PRKAG2: variants seen among roughly 807,000 people sequenced by gnomAD.
PRKAG2 encodes the protein 5'-AMP-activated protein kinase subunit gamma-2.
In PRKAG2, 26 loss-of-function variants were observed where a neutral mutation model predicts 69.6. The ratio of observed to expected loss-of-function variants is 0.37; its 90% CI spans 0.27 to 0.52. PRKAG2 has a LOEUF of 0.52. Among genes scored for constraint, PRKAG2 ranks in the 20% least tolerant of loss-of-function variants. The probability of loss-of-function intolerance (pLI) is 0.90; values close to 1 mark genes in which losing one functional copy is unlikely to be tolerated. For synonymous variants in PRKAG2, 293 were observed against 285.0 expected, an observed-to-expected ratio of 1.03 and a Z score of -0.28; for missense variants, 557 against 740.0, an observed-to-expected ratio of 0.75 and a Z score of 2.87.
intron 1 of PRKAG2, among the ~76,000 whole-genome samples, chr7:151,795,890 T>TAAAAAA (rs1491286413): frequency 4.1e-5 from 4 of 96,604 alleles, no homozygotes; most frequent in African/African-American, 1.8e-4. Context: ...TATATATATA[T>TAAAAAA]CACGATAATA....
chr7:151,796,684 C>G (rs2077553520), intron 1 of PRKAG2, among the ~76,000 whole-genome samples: 1 of 152,100 alleles, frequency 6.6e-6, no homozygotes, highest in Admixed American at 6.5e-5. Context: ...CCGGCTCCTC[C>G]CAGGGCTGGA....
At chr7:151,666,804 T>C (rs1049307335) in intron 4 of PRKAG2, among the ~76,000 whole-genome samples, 4 of 152,236 alleles carry the variant, frequency 2.6e-5, no homozygotes, top group Admixed American at 1.3e-4. Context: ...AGTTTAGTTA[T>C]ATATTAAATA....
chr7:151,625,194 T>C (rs1182759683), intron 5 of PRKAG2, among the ~76,000 whole-genome samples: 1 of 152,188 alleles, frequency 6.6e-6, no homozygotes, highest in Non-Finnish European at 1.5e-5. Flanking sequence ...TCGGGGCTTC[T>C]GGGAAGGCTT....
chr7:151,837,917 C>A (rs1197977359), intron 1 of PRKAG2, among the ~76,000 whole-genome samples: 2 of 152,170 alleles, frequency 1.3e-5, no homozygotes, highest in Non-Finnish European at 2.9e-5. Flanking sequence ...GACAGTCACT[C>A]CTGTGGGCAG....
At position 151,848,815 on chromosome 7, in the gene PRKAG2, G is replaced by A. The variant is rs917468802; in HGVS notation, c.114+27692C>T. 3.9e-5 allele frequency among the ~76,000 whole-genome samples: 6 copies of A among 152,192 alleles called. No individual in the cohort carries two copies. In the East Asian group the frequency reaches 1.2e-3, roughly 29 times the overall value. Reference sequence around the variant, plus strand: ...GCTGGGATCACAGGCGTGAGCCACCGCACCCAGCCTACTGCATGTCTTTTG... The same window carrying A: ...GCTGGGATCACAGGCGTGAGCCACCACACCCAGCCTACTGCATGTCTTTTG... On this transcript the variant is annotated intron_variant, in intron 1 of 15. Transcript: ENST00000287878.
chr7:151,679,814 C>T (rs544266850), intron 3 of PRKAG2, among the ~76,000 whole-genome samples: 20 of 152,074 alleles, frequency 1.3e-4, no homozygotes, highest in Non-Finnish European at 2.4e-4. Context: ...CCTGTAGCCC[C>T]GGCACTTTGG....
At position 151,602,868 on chromosome 7, in the gene PRKAG2, T is replaced by G. The variant is rs990872141; in HGVS notation, c.755-7414A>C. Among the ~76,000 whole-genome samples the G allele has an allele frequency of 5.3e-5, 8 of 152,204 alleles. 1 individual carries two copies. Among genetic ancestry groups the G allele is most frequent in the African/African-American group, 1.4e-4 (6 of 41,454 alleles). ...AAGGCAGTTTTCTCTGCCCTCGCTC[T>G]CTCTGTTGCCTGCTACCACGAAAGA... On this transcript the variant is annotated intron_variant, in intron 5 of 15. Transcript: ENST00000287878.
intron 4 of PRKAG2, among the ~76,000 whole-genome samples, chr7:151,650,673 A>G (rs958594716): frequency 2.6e-5 from 4 of 152,162 alleles, no homozygotes; most frequent in Non-Finnish European, 5.9e-5. Context: ...TTTCCCCATC[A>G]ATGTCAGCAC....
chr7:151,847,458 G>A (rs1010218680), intron 1 of PRKAG2, among the ~76,000 whole-genome samples: 8 of 152,098 alleles, frequency 5.3e-5, no homozygotes, highest in African/African-American at 1.9e-4. Context: ...CTGGCCTTGA[G>A]CTCTTGTCCC....
In PRKAG2 at chr7:151,836,630, T is replaced by C. The variant is rs2079152704; in HGVS notation, c.114+39877A>G. Among the ~76,000 whole-genome samples, 1 of 152,194 alleles carries C rather than the reference T, an allele frequency of 6.6e-6. No individual in the cohort carries two copies. Among genetic ancestry groups the C allele is most frequent in the Non-Finnish European group, 1.5e-5 (1 of 68,032 alleles). ...GGTAGTCTCTAGGCTGTCCCAGCTG[T>C]GCCTCTGGCCTCCTGTCTGGGTGCA... On this transcript the variant is annotated intron_variant, in intron 1 of 15. Coordinates refer to ENST00000287878, the MANE Select transcript of PRKAG2 (RefSeq NM_016203.4). This position sits in a 1 kb window ranked among gnomAD's most constrained non-coding sequence, Gnocchi z 4.1.
chr7:151,557,548 A>G (rs568556877), intron 15 of PRKAG2: 1 of 985,330 alleles, frequency 1.0e-6, no homozygotes, highest in Admixed American at 6.1e-5. Context: ...GAAGTATTTC[A>G]GTTGTGCACT....
rs1349977479 is a variant in PRKAG2, at chr7:151,795,854, T to G, written c.115-9313A>C. Among the ~76,000 whole-genome samples, 45 of 88,414 alleles carry G rather than the reference T, an allele frequency of 5.1e-4. 2 individuals carry two copies. Among genetic ancestry groups the G allele is most frequent in the African/African-American group, 2.3e-3 (41 of 17,560 alleles). 58.0% of individuals were successfully genotyped at this position (88,414 alleles called of 152,430 possible). On this transcript the variant is annotated intron_variant, in intron 1 of 15. Coordinates refer to ENST00000287878, the MANE Select transcript of PRKAG2 (RefSeq NM_016203.4). Reference sequence around the variant, plus strand: ...TTCTTTCAAACAAATCTCATATATATATATATATATATATATATATATATA... The same window carrying G: ...TTCTTTCAAACAAATCTCATATATAGATATATATATATATATATATATATA...
chr7:151,631,843 TGGGAG>T, intron 5 of PRKAG2: 1 of 495,248 alleles, frequency 2.0e-6, no homozygotes, highest in Non-Finnish European at 3.8e-6. Flanking sequence ...GGCTGCGCTC[TGGGAG>T]CCTGGCTCGC....
intron 4 of PRKAG2, among the ~76,000 whole-genome samples, chr7:151,653,395 G>C (rs891822011): frequency 1.3e-5 from 2 of 152,124 alleles, no homozygotes; most frequent in Non-Finnish European, 2.9e-5. Context: ...GTCCTTATGA[G>C]TACTGGATAA....
intron 1 of PRKAG2, among the ~76,000 whole-genome samples, chr7:151,795,436 C>A (rs2077448554): frequency 6.6e-6 from 1 of 151,708 alleles, no homozygotes; most frequent in Admixed American, 6.6e-5. Context: ...GCACTGCGGG[C>A]CCCAGCCAGG....
chr7:151,860,121 G>A (rs2079881932), intron 1 of PRKAG2, among the ~76,000 whole-genome samples: 1 of 152,186 alleles, frequency 6.6e-6, no homozygotes, highest in African/African-American at 2.4e-5. Context: ...GGCTCCATCT[G>A]CCTATCGGAT....
chr7:151,654,372 T>C (rs1318919648), intron 4 of PRKAG2, among the ~76,000 whole-genome samples: 1 of 152,210 alleles, frequency 6.6e-6, no homozygotes, highest in African/African-American at 2.4e-5. Context: ...GGCTCACTGA[T>C]GTTAGTCATT....
chr7:151,595,264 C>T, intron 6 of PRKAG2, 81 bp downstream of exon 6: 1 of 973,602 alleles, frequency 1.0e-6, no homozygotes, highest in Non-Finnish European at 1.6e-6. Flanking sequence ...CGTTTGCTGG[C>T]ATTGCTGGTT....
chr7:151,673,388 A>G (rs530419536), intron 4 of PRKAG2, among the ~76,000 whole-genome samples: 1 of 152,094 alleles, frequency 6.6e-6, no homozygotes, highest in Admixed American at 6.5e-5. Flanking sequence ...ACGTGCCTTG[A>G]AGCTGTCATT....
Sources: allele counts gnomAD v4.1 joint callset (sites outside exome capture counted in the v4.1 genomes callset), GRCh38; gene constraint gnomAD v4.1.1; non-coding constraint Gnocchi (gnomAD v3.1); transcripts MANE v1.5; gene names NCBI Gene and HGNC (gene_info 2026-07-23, HGNC 2026-07-21).